PTPRD: variants seen among roughly 807,000 people sequenced by gnomAD.
PTPRD encodes the protein protein tyrosine phosphatase receptor type D.
A neutral mutation model predicts 214.5 loss-of-function variants in PTPRD; 34 were observed. That is an observed-to-expected ratio of 0.16 (90% CI 0.12 to 0.21). The LOEUF is 0.21. PTPRD is among the 10% of genes least tolerant of loss of function. The probability of loss-of-function intolerance (pLI) is 1.00; values close to 1 mark genes in which losing one functional copy is unlikely to be tolerated. For synonymous variants in PTPRD, 1,128 were observed against 845.7 expected (o/e 1.33, Z -5.79); for missense variants, 2,545 against 2,398.7 (o/e 1.06, Z -1.27).
At chr9:9,116,101 G>C (rs547780678) in intron 10 of PTPRD, among the ~76,000 whole-genome samples, 2 of 151,876 alleles carry the variant, frequency 1.3e-5, no homozygotes, top group Admixed American at 6.6e-5. Context: ...ATGACCTATT[G>C]GGTACTATGC....
At chr9:9,172,077 T>C (rs144010691) in intron 10 of PTPRD, among the ~76,000 whole-genome samples, 12 of 152,250 alleles carry the variant, frequency 7.9e-5, no homozygotes, top group African/African-American at 2.6e-4. Flanking sequence ...GTACCAGTGA[T>C]TTGAATAAAT....
At chr9:8,670,892 G>A (rs754746165) in intron 12 of PTPRD, among the ~76,000 whole-genome samples, 1 of 152,202 alleles carries the variant, frequency 6.6e-6, no homozygotes, top group African/African-American at 2.4e-5. Flanking sequence ...ACATTTGAGA[G>A]AGCAGCTGAG....
intron 14 of PTPRD, among the ~76,000 whole-genome samples, chr9:8,559,533 C>A (rs2085321694): frequency 6.6e-6 from 1 of 152,208 alleles, no homozygotes. Flanking sequence ...TAAATACCAT[C>A]CTTTGTGGAT....
At chr9:9,793,042 T>C (rs554709652) in intron 5 of PTPRD, among the ~76,000 whole-genome samples, 3 of 152,258 alleles carry the variant, frequency 2.0e-5, no homozygotes, top group South Asian at 2.1e-4. Context: ...AAAATGACCT[T>C]GTAACTTCTG....
intron 34 of PTPRD, chr9:8,437,076 G>T: frequency 1.4e-6 from 1 of 699,146 alleles, no homozygotes; most frequent in Non-Finnish European, 2.3e-6. Flanking sequence ...AATGGAAATT[G>T]TGTGGAATTA....
intron 5 of PTPRD, among the ~76,000 whole-genome samples, chr9:9,843,316 T>G (rs1372269838): frequency 3.3e-5 from 5 of 152,034 alleles, no homozygotes; most frequent in African/African-American, 1.2e-4. Context: ...CCTTGAAATT[T>G]TCTCAGCTAA....
At chr9:10,402,485 T>G (rs1289686195) in intron 2 of PTPRD, among the ~76,000 whole-genome samples, 1 of 151,746 alleles carries the variant, frequency 6.6e-6, no homozygotes, top group East Asian at 1.9e-4. Flanking sequence ...TAAGGCAAAG[T>G]AAAGCATTCA....
At chr9:9,756,419 G>A (rs996839373) in intron 6 of PTPRD, among the ~76,000 whole-genome samples, 5 of 152,068 alleles carry the variant, frequency 3.3e-5, no homozygotes, top group Admixed American at 1.3e-4. Context: ...AATGGTTTAC[G>A]TTCATTGTAT....
intron 7 of PTPRD, among the ~76,000 whole-genome samples, chr9:9,692,359 C>T (rs1564575461): frequency 1.3e-5 from 2 of 151,990 alleles, no homozygotes; most frequent in Non-Finnish European, 2.9e-5. Flanking sequence ...ATCCAGTATT[C>T]CCAGCACCAT....
At chr9:10,579,676 G>T (rs2070970646) in intron 2 of PTPRD, among the ~76,000 whole-genome samples, 1 of 152,122 alleles carries the variant, frequency 6.6e-6, no homozygotes, top group Non-Finnish European at 1.5e-5. Flanking sequence ...AGTTCTGTGA[G>T]AAATCTCCAA....
chr9:8,386,533 G>A (rs544739711), intron 37 of PTPRD, among the ~76,000 whole-genome samples: 45 of 152,184 alleles, frequency 3.0e-4, no homozygotes, highest in Admixed American at 1.8e-3. Flanking sequence ...ATTTGTTTAC[G>A]TTACCTGGAC....
intron 3 of PTPRD, among the ~76,000 whole-genome samples, chr9:10,193,740 G>A (rs1188378179): frequency 6.6e-6 from 1 of 152,022 alleles, no homozygotes; most frequent in Non-Finnish European, 1.5e-5. Context: ...TATGGTATCT[G>A]GAAAGAGTTT....
chr9:8,978,798 C>G (rs570137584), intron 11 of PTPRD, among the ~76,000 whole-genome samples: 1 of 152,204 alleles, frequency 6.6e-6, no homozygotes, highest in African/African-American at 2.4e-5. Context: ...AAGTGAGGCT[C>G]AGAAAACGAA....
At chr9:8,557,925 T>G (rs1300333806) in intron 14 of PTPRD, among the ~76,000 whole-genome samples, 4 of 151,968 alleles carry the variant, frequency 2.6e-5, no homozygotes, top group Admixed American at 2.0e-4. Context: ...TCTACTTACT[T>G]AAGTTTACTC....
intron 2 of PTPRD, among the ~76,000 whole-genome samples, chr9:10,496,018 TTAAA>T (rs1030364005): frequency 4.0e-4 from 61 of 151,964 alleles, no homozygotes; most frequent in African/African-American, 1.3e-3. Flanking sequence ...ATCAAGGTTA[TTAAA>T]TATTTTTAAA....
intron 3 of PTPRD, among the ~76,000 whole-genome samples, chr9:10,301,326 A>C (rs1279572696): frequency 1.3e-5 from 2 of 152,192 alleles, no homozygotes; most frequent in Non-Finnish European, 1.5e-5. Context: ...CAGCACAAAA[A>C]GGCTGAAAAC....
At chr9:9,842,500 G>C (rs754513393) in intron 5 of PTPRD, among the ~76,000 whole-genome samples, 3 of 151,684 alleles carry the variant, frequency 2.0e-5, no homozygotes, top group Non-Finnish European at 4.4e-5. Context: ...GGAAGAAAGA[G>C]AGTGTGGGAG....
chr9:9,924,164 G>A (rs1342150744), intron 5 of PTPRD, among the ~76,000 whole-genome samples: 3 of 151,856 alleles, frequency 2.0e-5, no homozygotes, highest in African/African-American at 7.2e-5. Flanking sequence ...GAGAATAGTG[G>A]GAAAAGAGTC....
chr9:10,129,805 G>C (rs960969780), intron 3 of PTPRD, among the ~76,000 whole-genome samples: 1 of 151,732 alleles, frequency 6.6e-6, no homozygotes, highest in Non-Finnish European at 1.5e-5. Flanking sequence ...CTGACTTTTG[G>C]TATTGTTAAT....
Sources: allele counts gnomAD v4.1 joint callset (sites outside exome capture counted in the v4.1 genomes callset), GRCh38; gene constraint gnomAD v4.1.1; transcripts MANE v1.5; gene names NCBI Gene and HGNC (gene_info 2026-07-23, HGNC 2026-07-21).